The following CSMD2 variants were observed in gnomAD, a reference collection of about 807,000 sequenced individuals.
CSMD2 encodes the protein CUB and Sushi multiple domains 2.
In CSMD2, 130 loss-of-function variants were observed where a neutral mutation model predicts 398.5. The observed-to-expected ratio is 0.33, with a 90% CI of 0.28 to 0.38. The LOEUF is 0.38. Ranked by LOEUF, CSMD2 falls within the 10% of genes least tolerant of loss-of-function variation. The pLI, the probability that CSMD2 is intolerant of heterozygous loss-of-function variation, is 1.00. For synonymous variants in CSMD2, 1,828 were observed against 1,908.5 expected (o/e 0.96, Z 1.10); for missense variants, 3,829 against 4,764.9 (o/e 0.80, Z 5.78).
intron 10 of CSMD2, among the ~76,000 whole-genome samples, chr1:33,802,514 C>A (rs893364846): frequency 6.6e-6 from 1 of 152,152 alleles, no homozygotes; most frequent in Non-Finnish European, 1.5e-5. Flanking sequence ...CTTGGAGGGC[C>A]CCAGTCCCTG....
chr1:33,800,135 T>C (rs777867334), intron 10 of CSMD2, among the ~76,000 whole-genome samples: 5 of 152,194 alleles, frequency 3.3e-5, no homozygotes, highest in Non-Finnish European at 5.9e-5. Context: ...GGGCTGACCT[T>C]GGCCCACCCA....
intron 1 of CSMD2, among the ~76,000 whole-genome samples, chr1:34,103,158 T>C (rs1660151166): frequency 6.6e-6 from 1 of 152,136 alleles, no homozygotes; most frequent in Admixed American, 6.5e-5. Flanking sequence ...GAAAGCCTTC[T>C]GGGAACCCTC....
chr1:33,540,846 G>A, intron 59 of CSMD2, 148 bp from the exon 60 acceptor site: 1 of 902,932 alleles, frequency 1.1e-6, no homozygotes, highest in Non-Finnish European at 1.7e-6. Flanking sequence ...TACTGTGGGA[G>A]TTCTGATCTT....
chr1:34,084,888 C>T (rs1317573511), intron 2 of CSMD2, among the ~76,000 whole-genome samples: 2 of 152,032 alleles, frequency 1.3e-5, no homozygotes, highest in African/African-American at 2.4e-5. Flanking sequence ...GGGTATATGC[C>T]CAAAGGATTA....
intron 1 of CSMD2, among the ~76,000 whole-genome samples, chr1:34,140,320 A>AC (rs140262846): frequency 9.7e-4 from 115 of 118,218 alleles, no homozygotes; most frequent in Admixed American, 2.1e-3. Flanking sequence ...AAACAAACAA[A>AC]AAAAAACCCA....
chr1:33,980,561 T>C (rs1402571229), intron 3 of CSMD2, among the ~76,000 whole-genome samples: 2 of 152,338 alleles, frequency 1.3e-5, no homozygotes, highest in East Asian at 3.9e-4. Flanking sequence ...GACAGTTGTT[T>C]TATTTTCTTC....
At chr1:34,039,447 T>C (rs1311169596) in intron 2 of CSMD2, among the ~76,000 whole-genome samples, 1 of 152,212 alleles carries the variant, frequency 6.6e-6, no homozygotes, top group African/African-American at 2.4e-5. Context: ...TTTGGTGAGT[T>C]AAGCCATTTC....
chr1:34,024,951 A>T (rs368821837), intron 3 of CSMD2, among the ~76,000 whole-genome samples: 2 of 152,306 alleles, frequency 1.3e-5, no homozygotes, highest in Admixed American at 6.5e-5. Context: ...ACAGGAAAAA[A>T]CAAAACCAGG....
At chr1:33,690,897 A>G (rs932101732) in intron 25 of CSMD2, among the ~76,000 whole-genome samples, 5 of 152,184 alleles carry the variant, frequency 3.3e-5, no homozygotes, top group Admixed American at 2.0e-4. Context: ...AAAGGAGAAA[A>G]GTGGTCAGTG....
In CSMD2 at chr1:33,768,536, ATGTGTGTGTG is replaced by A. The variant is rs60273744; in HGVS notation, c.1846+4023_1846+4032del. Among the ~76,000 whole-genome samples the A allele has an allele frequency of 7.0e-3, 993 of 142,228 alleles. 7 individuals carry two copies. Among genetic ancestry groups the A allele is most frequent in the South Asian group, 0.012 (51 of 4,306 alleles). 93.3% of individuals were successfully genotyped at this position (142,228 alleles called of 152,430 possible). On this transcript the variant is annotated intron_variant, in intron 13 of 70. Coordinates refer to ENST00000373381, the MANE Select transcript of CSMD2 (RefSeq NM_001281956.2). ...AATTCATCCCGGAATGTGTGCGTGC[ATGTGTGTGTG>A]TGTGTGTGTGTGTGTGTGTGTGTGT...
At chr1:33,851,624 G>C (rs374059895) in intron 5 of CSMD2, among the ~76,000 whole-genome samples, 112 of 152,256 alleles carry the variant, frequency 7.4e-4, no homozygotes, top group African/African-American at 2.6e-3. Flanking sequence ...ATAGTCCCAA[G>C]GCCCTTGTTT....
At position 34,163,983 on chromosome 1, in the gene CSMD2, C is replaced by G. The variant is rs1641606328; in HGVS notation, c.187+928G>C. Reference sequence around the variant, plus strand: ...CGCGCTGCAAGCTGCAGCCAGACACCCGCGAAGTTCCGGGACTCTCCGCAC... The same window carrying G: ...CGCGCTGCAAGCTGCAGCCAGACACGCGCGAAGTTCCGGGACTCTCCGCAC... On this transcript the variant is annotated intron_variant, in intron 1 of 70. Coordinates refer to ENST00000373381, the MANE Select transcript of CSMD2 (RefSeq NM_001281956.2). This position sits in a 1 kb window ranked among gnomAD's most constrained non-coding sequence, Gnocchi z 5.4. 6.6e-6 allele frequency among the ~76,000 whole-genome samples: 1 copy of G among 152,136 alleles called. No individual in the cohort carries two copies. The highest frequency in any genetic ancestry group is 2.4e-5 in the African/African-American group (1 of 41,450).
chr1:33,791,046 C>A (rs1441288569), intron 11 of CSMD2, among the ~76,000 whole-genome samples: 4 of 151,576 alleles, frequency 2.6e-5, no homozygotes, highest in Non-Finnish European at 5.9e-5. Context: ...TGTATAGCAT[C>A]ATCTCCAGGT....
rs1347920143 is a variant in CSMD2 at position 33,635,215 on chromosome 1, A to G, written c.5085T>C (p.Tyr1695=). The stretch of plus-strand genomic sequence containing the variant: ...AACAACAACAACCAAAACCCATACC[A>G]TAGTCCTTGGGCACAGTAACAAAAT... ...CLYFVTVPKD[Y]VVFGQFAFFH... Residue 1695 remains tyrosine (Y), a splice_region_variant and synonymous_variant, in exon 31 of 71, where the codon TAT becomes TAC. Coordinates refer to ENST00000373381, the MANE Select transcript of CSMD2 (RefSeq NM_001281956.2). This position sits in a 1 kb window ranked among gnomAD's most constrained non-coding sequence, Gnocchi z 5.0. 5.0e-6 allele frequency: 8 copies of G among 1,596,710 alleles called. No individual in the cohort carries two copies. The highest frequency in any genetic ancestry group is 3.3e-5 in the Admixed American group (2 of 59,838).
At chr1:33,590,724 T>C (rs1367183478) in intron 44 of CSMD2, among the ~76,000 whole-genome samples, 1 of 151,986 alleles carries the variant, frequency 6.6e-6, no homozygotes, top group East Asian at 1.9e-4. Flanking sequence ...AGGCAGACTC[T>C]TCCATTTCAT....
chr1:33,788,491 G>A (rs1653816130), intron 12 of CSMD2, 109 bp downstream of exon 12: 1 of 639,476 alleles, frequency 1.6e-6, no homozygotes, highest in Admixed American at 2.7e-5. Context: ...CTGGGCAACA[G>A]AGTGAGACTC....
chr1:33,832,135 T>C (rs1451078366), intron 6 of CSMD2, among the ~76,000 whole-genome samples: 1 of 125,936 alleles, frequency 7.9e-6, no homozygotes, highest in Non-Finnish European at 1.6e-5. Context: ...TACCCAGGAA[T>C]TGAACTCAGC....
intron 3 of CSMD2, among the ~76,000 whole-genome samples, chr1:33,950,148 G>A (rs1644958367): frequency 6.6e-6 from 1 of 152,080 alleles, no homozygotes; most frequent in South Asian, 2.1e-4. Flanking sequence ...CTTGGACTTG[G>A]AGATAGCCTC....
chr1:33,877,652 G>A (rs1454524993), intron 5 of CSMD2, among the ~76,000 whole-genome samples: 4 of 152,148 alleles, frequency 2.6e-5, no homozygotes, highest in Non-Finnish European at 4.4e-5. Flanking sequence ...AAGGCACCCC[G>A]AAATTGCTCT....
Sources: allele counts gnomAD v4.1 joint callset (sites outside exome capture counted in the v4.1 genomes callset), GRCh38; gene constraint gnomAD v4.1.1; non-coding constraint Gnocchi (gnomAD v3.1); transcripts MANE v1.5; gene names NCBI Gene and HGNC (gene_info 2026-07-23, HGNC 2026-07-21).